The following UNKL variants were observed in gnomAD, a reference collection of about 807,000 sequenced individuals.
UNKL encodes unk like zinc finger.
Under a neutral mutation model 78.0 loss-of-function variants are expected in UNKL, and 60 were observed. That is an observed-to-expected ratio of 0.77 (90% CI 0.63 to 0.95). UNKL has a LOEUF of 0.95. Among genes scored for constraint, UNKL ranks in the 40% least tolerant of loss-of-function variants. The probability of loss-of-function intolerance (pLI) is 0.00; values close to 1 mark genes in which losing one functional copy is unlikely to be tolerated. For synonymous variants in UNKL, 608 were observed against 474.8 expected, an observed-to-expected ratio of 1.28 and a Z score of -3.65; for missense variants, 1,159 against 1,045.7, an observed-to-expected ratio of 1.11 and a Z score of -1.49.
rs2035700270 is a variant in UNKL, at chr16:1,370,336, G to C, written c.1379C>G (p.Ser460Cys). 6.5e-7 allele frequency: 1 copy of C among 1,533,296 alleles called. No homozygotes were observed. Among genetic ancestry groups the C allele is most frequent in the South Asian group, 1.2e-5 (1 of 83,926 alleles). 95.0% of individuals were successfully genotyped at this position (1,533,296 alleles called of 1,614,324 possible). A position where few individuals can be genotyped will look rare whatever the true frequency, so the allele number is the denominator to read the frequency against. Reference protein sequence around the residue: ...GAAGPRSLAGSAPVAIPGSLP... With the variant: ...GAAGPRSLAGCAPVAIPGSLP... ...GGAGCCGGGGATGGCGACAGGTGCA[G>C]AGCCGGCCAGCGACCTGGGACCTGG... is the stretch of plus-strand genomic sequence containing the variant. The change falls in exon 12 of 15, where the codon TCT becomes TGT. Residue 460 changes from serine to cysteine, a missense_variant. Coordinates refer to ENST00000389221, the MANE Select transcript of UNKL (RefSeq NM_001372107.1).
At chr16:1,376,777 G>A (rs1382706722) in intron 10 of UNKL, among the ~76,000 whole-genome samples, 1 of 152,016 alleles carries the variant, frequency 6.6e-6, no homozygotes, top group African/African-American at 2.4e-5. Flanking sequence ...CTATACGAAC[G>A]TCCTCATTTG....
chr16:1,387,876 G>A lies in UNKL; in HGVS notation c.1087-2491C>T, dbSNP rs1212640809. On this transcript the variant is annotated intron_variant, in intron 9 of 14. Transcript: ENST00000389221. The surrounding 1 kb of genome is among the most constrained non-coding windows in gnomAD (Gnocchi z 4.1). ...TGCCCAGGTCCGTGCTCTGGGGCAC[G>A]GTCCCTACACACAAGCTGCCCCTGC... 3.3e-5 allele frequency among the ~76,000 whole-genome samples: 5 copies of A among 150,008 alleles called. No individual in the cohort carries two copies. The highest frequency in any genetic ancestry group is 9.9e-5 in the African/African-American group (4 of 40,564).
Position 1,366,254 on chromosome 16 carries a change from G to C in UNKL, c.2188C>G (p.Pro730Ala). 6.3e-7 allele frequency: 1 copy of C among 1,578,766 alleles called. No homozygotes were observed. Among genetic ancestry groups the C allele is most frequent in the Non-Finnish European group, 8.6e-7 (1 of 1,163,284 alleles). The change falls in exon 15 of 15, where the codon CCC becomes GCC. Residue 730 changes from proline to alanine, a missense_variant. Transcript: ENST00000389221. ...APECPYCKGQ[P>A]LQW ...CCCCGCTGAGGTCACCACTGCAGGGGCTGGCCCTTGCAGTAGGGGCACTCA... is the reference window on the plus strand; with the variant it reads ...CCCCGCTGAGGTCACCACTGCAGGGCCTGGCCCTTGCAGTAGGGGCACTCA...
At chr16:1,371,382 G>T in intron 11 of UNKL, 137 bp downstream of exon 11, 1 of 788,736 alleles carries the variant, frequency 1.3e-6, no homozygotes, top group Non-Finnish European at 2.0e-6. Context: ...CTTGCCCTGT[G>T]GTCCAGGCAG....
chr16:1,395,854 G>A, intron 6 of UNKL: 1 of 432,804 alleles, frequency 2.3e-6, no homozygotes, highest in Non-Finnish European at 4.8e-6. Flanking sequence ...CACCCAGAAA[G>A]CATGATGCGC....
intron 5 of UNKL, 58 bp from the exon 6 acceptor site, chr16:1,397,353 CCGTGCTT>C: frequency 1.7e-6 from 1 of 591,842 alleles, no homozygotes; most frequent in Non-Finnish European, 2.5e-6. Context: ...CCCCCCACCC[CCGTGCTT>C]CACGCTGGGG....
At chr16:1,391,799 T>C (rs886773634) in intron 8 of UNKL, among the ~76,000 whole-genome samples, 6 of 152,196 alleles carry the variant, frequency 3.9e-5, no homozygotes, top group African/African-American at 1.4e-4. Flanking sequence ...GCAATTCTCC[T>C]GCCTCAGCCT....
chr16:1,394,193 T>C lies in UNKL; in HGVS notation c.875A>G (p.Asn292Ser), dbSNP rs1427104489. 2 of 1,550,706 alleles carry C rather than the reference T, an allele frequency of 1.3e-6. No homozygotes were observed. The highest frequency in any genetic ancestry group is 2.4e-5 in the South Asian group (2 of 84,064). ...GCAGTACCCGGTTTGGCGCATGTCG[T>C]TGCATTTTGTAGATTTGTAGATCTG... ...HPEIYKSTKC[N>S]DMRQTGYCPR... The change falls in exon 7 of 15, where the codon AAC (asparagine) becomes AGC (serine). Residue 292 changes from asparagine to serine, a missense_variant. Transcript: ENST00000389221.
Position 1,392,988 on chromosome 16 carries a change from G to A in UNKL, c.938-12C>T, listed in dbSNP as rs1237273739. 8.4e-6 allele frequency: 13 copies of A among 1,550,422 alleles called. No homozygotes were observed. The South Asian group carries it at 9.5e-5, about 11-fold the overall frequency. Reference sequence around the variant, plus strand: ...CATCCCCAGGCTCTCTGCAAGGACAGGGGAGCAGCAGACTCTGAGGGCCGC... The same window carrying A: ...CATCCCCAGGCTCTCTGCAAGGACAAGGGAGCAGCAGACTCTGAGGGCCGC... On this transcript the variant is annotated splice_polypyrimidine_tract_variant and intron_variant, in intron 7 of 14. Transcript: ENST00000389221.
At chr16:1,374,722 C>T (rs553598080) in intron 10 of UNKL, among the ~76,000 whole-genome samples, 1 of 152,172 alleles carries the variant, frequency 6.6e-6, no homozygotes, top group East Asian at 1.9e-4. Flanking sequence ...AGGGCTGACT[C>T]GTCAGGACTT....
chr16:1,393,150 C>T (rs1292210248), intron 7 of UNKL, among the ~76,000 whole-genome samples, 174 bp from the exon 8 acceptor site: 1 of 152,204 alleles, frequency 6.6e-6, no homozygotes, highest in East Asian at 1.9e-4. Context: ...GCAACAGGAC[C>T]CTCTGGTCTT....
At position 1,387,043 on chromosome 16, in the gene UNKL, G is replaced by A. The variant is rs2036844851; in HGVS notation, c.1087-1658C>T. ...AGTCCACCCCGTGAGCATCAGGGAC[G>A]GCGGTAACTCCTGCACCCTACACCG... On this transcript the variant is annotated intron_variant, in intron 9 of 14. Coordinates refer to ENST00000389221, the MANE Select transcript of UNKL (RefSeq NM_001372107.1). The surrounding 1 kb of genome is among the most constrained non-coding windows in gnomAD (Gnocchi z 4.1). 6.8e-6 allele frequency among the ~76,000 whole-genome samples: 1 copy of A among 147,194 alleles called. No individual in the cohort carries two copies. The highest frequency in any genetic ancestry group is 1.9e-4 in the East Asian group (1 of 5,182).
chr16:1,401,527 G>GCCCCCCCCCCCCCCCCCC, intron 4 of UNKL, 41 bp downstream of exon 4: 2 of 1,404,770 alleles, frequency 1.4e-6, no homozygotes, highest in South Asian at 1.4e-5. Context: ...CGCTGTGCCC[G>GCCCCCCCCCCCCCCCCCC]CCCCCCCCAC....
intron 6 of UNKL, 97 bp downstream of exon 6, chr16:1,397,081 A>G: frequency 7.4e-7 from 1 of 1,352,228 alleles, no homozygotes; most frequent in Non-Finnish European, 1.0e-6. Context: ...GCCAAAGTTA[A>G]TCACTGTTCC....
At chr16:1,394,028 TC>T in intron 7 of UNKL, 102 bp downstream of exon 7, 1 of 1,241,284 alleles carries the variant, frequency 8.1e-7, no homozygotes, top group South Asian at 1.4e-5. Context: ...CTGCCCGCCT[TC>T]CAGGTCCTCG....
chr16:1,388,060 A>C (rs1215036299), intron 9 of UNKL, among the ~76,000 whole-genome samples: 1 of 152,102 alleles, frequency 6.6e-6, no homozygotes, highest in Non-Finnish European at 1.5e-5. Context: ...CCAGGCCCAG[A>C]GGCCACCTCC....
At chr16:1,398,681 A>AGGCCCCCCCCCCCC in intron 5 of UNKL, 1 of 694,434 alleles carries the variant, frequency 1.4e-6, no homozygotes, top group Non-Finnish European at 1.9e-6. Context: ...TGGGGTCTGC[A>AGGCCCCCCCCCCCC]CCCCCCCACC....
chr16:1,384,393 G>C (rs971190281), intron 10 of UNKL, among the ~76,000 whole-genome samples: 3 of 152,012 alleles, frequency 2.0e-5, no homozygotes, highest in Non-Finnish European at 4.4e-5. Context: ...CTGCCCCCCA[G>C]GGTCTGGGCT....
chr16:1,377,496 C>CG, intron 10 of UNKL, among the ~76,000 whole-genome samples: 2 of 152,154 alleles, frequency 1.3e-5, no homozygotes, highest in Middle Eastern at 6.8e-3. Context: ...GGAGACCCCC[C>CG]CTCTGCCTCC....
Sources: gnomAD v4.1 joint callset for allele counts (sites outside exome capture counted in the v4.1 genomes callset) on GRCh38, gnomAD v4.1.1 for gene constraint, Gnocchi (gnomAD v3.1) non-coding constraint, MANE v1.5 for transcripts, NCBI Gene and HGNC (gene_info 2026-07-23, HGNC 2026-07-21) for gene names.